The following ENOSF1 variants were observed in gnomAD, a reference collection of about 807,000 sequenced individuals.
ENOSF1 encodes mitochondrial enolase superfamily member 1.
A neutral mutation model predicts 68.2 loss-of-function variants in ENOSF1; 73 were observed. The observed-to-expected ratio is 1.07, with a 90% CI of 0.89 to 1.30. The LOEUF is 1.30. Ranked by LOEUF, ENOSF1 falls within the 50% of genes most tolerant of loss-of-function variation. The pLI, the probability that ENOSF1 is intolerant of heterozygous loss-of-function variation, is 0.00. For synonymous variants in ENOSF1, 223 were observed against 210.4 expected (o/e 1.06, Z -0.52); for missense variants, 589 against 554.5 (o/e 1.06, Z -0.62).
intron 10 of ENOSF1, among the ~76,000 whole-genome samples, chr18:685,317 A>C (rs1465303212): frequency 1.3e-5 from 2 of 152,008 alleles, no homozygotes; most frequent in Non-Finnish European, 2.9e-5. Flanking sequence ...CCCAGAATCA[A>C]TTTTTATCAT....
Position 674,338 on chromosome 18 carries a change from A to T in ENOSF1, c.1299T>A (p.Val433=), listed in dbSNP as rs757954716. 2 of 1,612,568 alleles carry T rather than the reference A, an allele frequency of 1.2e-6. No homozygotes were observed. Among genetic ancestry groups the T allele is most frequent in the South Asian group, 2.2e-5 (2 of 90,856 alleles). The change falls in exon 16 of 16, where the codon GTT becomes GTA. Residue 433 remains valine, a synonymous_variant. Transcript: ENST00000647584. ...VKKHQYPDGE[V]WKKLLPAQEN is the part of the protein sequence containing the mutation. ...CTTGAGCAGGAAGGAGTTTCTTCCA[A>T]ACTTCACCATCTGGATACTGGTGTT... is the stretch of plus-strand genomic sequence containing the variant.
chr18:690,599 A>G lies in ENOSF1; in HGVS notation c.568T>C (p.Tyr190His). The change falls in exon 8 of 16, where the codon TAC (tyrosine) becomes CAC (histidine). Residue 190 changes from tyrosine (Y) to histidine (H), a missense_variant. Tyr to His is a moderately conservative substitution (Grantham distance 83, BLOSUM62 2). Coordinates refer to ENST00000647584, the MANE Select transcript of ENOSF1 (RefSeq NM_017512.7). ...CCCAGCCAGGCGCACGATGTCGTGTAAGCAGGGTATCCTTGTGCCAGCATT... is the reference window on the plus strand; with the variant it reads ...CCCAGCCAGGCGCACGATGTCGTGTGAGCAGGGTATCCTTGTGCCAGCATT... ...KQMLAQGYPA[Y>H]TTSCAWLGYS... 1 of 1,613,748 alleles carries G rather than the reference A, an allele frequency of 6.2e-7. No homozygotes were observed. Among genetic ancestry groups the G allele is most frequent in the Non-Finnish European group, 8.5e-7 (1 of 1,180,022 alleles).
At chr18:686,035 T>G (rs1423035537) in intron 9 of ENOSF1, 27 bp from the exon 10 acceptor site, 1 of 1,568,736 alleles carries the variant, frequency 6.4e-7, no homozygotes, top group Admixed American at 1.7e-5. Flanking sequence ...GTTTGCTAGT[T>G]TAGACCTGTA....
intron 5 of ENOSF1, 85 bp from the exon 6 acceptor site, chr18:691,361 T>G (rs2077150043): frequency 3.4e-5 from 40 of 1,162,886 alleles, no homozygotes; most frequent in Non-Finnish European, 4.8e-5. Context: ...TATTCTTTTT[T>G]TAGAGACAAG....
intron 1 of ENOSF1, chr18:706,875 A>G (rs1785589): frequency 6.6e-6 from 1 of 150,758 alleles, no homozygotes; most frequent in East Asian, 1.9e-4. Flanking sequence ...CAGGAGTGCA[A>G]TGGTGCGATC....
At chr18:682,177 G>C (rs1400618279) in intron 11 of ENOSF1, among the ~76,000 whole-genome samples, 1 of 152,184 alleles carries the variant, frequency 6.6e-6, no homozygotes, top group Non-Finnish European at 1.5e-5. Context: ...TACCCTCTGA[G>C]AAATGTGCCG....
In ENOSF1 at chr18:670,604, G is replaced by A; in HGVS notation, c.*3701C>T. 1 of 1,436,302 alleles carries A rather than the reference G, an allele frequency of 7.0e-7. No homozygotes were observed. Among genetic ancestry groups the A allele is most frequent in the Non-Finnish European group, 9.6e-7 (1 of 1,044,254 alleles). 89.0% of individuals were successfully genotyped at this position (1,436,302 alleles called of 1,614,324 possible). ...CTCCTGGTCTCCACCATATGAGTTG[G>A]CTTCTGTTTCTCTCCTGTTTTACTT... On this transcript the variant is annotated 3_prime_UTR_variant, in exon 16 of 16. Transcript: ENST00000647584.
chr18:669,822 T>G (rs2074951764), downstream of ENOSF1, among the ~76,000 whole-genome samples: 1 of 150,956 alleles, frequency 6.6e-6, no homozygotes, highest in Non-Finnish European at 1.5e-5. Flanking sequence ...TAGAGCCAGG[T>G]GTGGTGGCTC....
intron 2 of ENOSF1, among the ~76,000 whole-genome samples, chr18:704,069 A>AT (rs2078660445): frequency 2.0e-5 from 3 of 152,188 alleles, no homozygotes; most frequent in African/African-American, 7.2e-5. Context: ...TAAAACCTGC[A>AT]GAACCATGAG....
chr18:670,571 G>A lies in ENOSF1; in HGVS notation c.*3734C>T. The A allele has an allele frequency of 9.6e-7, 1 of 1,043,274 alleles. No homozygotes were observed. The highest frequency in any genetic ancestry group is 1.4e-6 in the Non-Finnish European group (1 of 711,158). 64.6% of individuals were successfully genotyped at this position (1,043,274 alleles called of 1,614,324 possible). On this transcript the variant is annotated 3_prime_UTR_variant, in exon 16 of 16. Coordinates refer to ENST00000647584, the MANE Select transcript of ENOSF1 (RefSeq NM_017512.7). ...GTTATGGACATCACTGCAGCCCAGT[G>A]GCTCTCTCTCCTGGTCTCCACCATA...
chr18:695,980 C>T (rs559348973), intron 3 of ENOSF1, among the ~76,000 whole-genome samples: 25 of 152,060 alleles, frequency 1.6e-4, no homozygotes, highest in African/African-American at 5.3e-4. Flanking sequence ...GAGACTAAGC[C>T]GGGTTAGGAA....
intron 1 of ENOSF1, among the ~76,000 whole-genome samples, chr18:710,793 T>G (rs1031819202): frequency 1.1e-4 from 17 of 152,214 alleles, no homozygotes; most frequent in Non-Finnish European, 2.4e-4. Flanking sequence ...TTAGAAAGAT[T>G]GTGTGACTTA....
downstream of ENOSF1, among the ~76,000 whole-genome samples, chr18:665,355 G>A (rs1303390860): frequency 2.0e-5 from 3 of 150,920 alleles, no homozygotes; most frequent in African/African-American, 7.3e-5. Context: ...CTGTGGGATT[G>A]GTGGTGATAT....
intron 8 of ENOSF1, 117 bp downstream of exon 8, chr18:690,432 A>G: frequency 8.6e-7 from 1 of 1,166,748 alleles, no homozygotes; most frequent in Admixed American, 1.8e-5. Flanking sequence ...GAGAAGGAAA[A>G]CCACACACAT....
intron 5 of ENOSF1, 127 bp from the exon 6 acceptor site, chr18:691,403 T>C (rs886138478): frequency 4.8e-5 from 35 of 732,674 alleles, no homozygotes; most frequent in Non-Finnish European, 6.7e-5. Context: ...TGGAGTGCAG[T>C]GATGCCATCA....
chr18:694,641 A>AG (rs1163989631), intron 3 of ENOSF1, among the ~76,000 whole-genome samples: 13 of 151,774 alleles, frequency 8.6e-5, no homozygotes, highest in East Asian at 3.9e-4. Context: ...AAAAAAAAAA[A>AG]AGAGAGAGAG....
Position 712,620 on chromosome 18 carries a change from C to G in ENOSF1, c.-33G>C. The G allele has an allele frequency of 7.9e-7, 1 of 1,271,844 alleles. No individual in the cohort carries two copies. The highest frequency in any genetic ancestry group is 1.0e-6 in the Non-Finnish European group (1 of 978,222). 78.8% of individuals were successfully genotyped at this position (1,271,844 alleles called of 1,614,324 possible). On this transcript the variant is annotated 5_prime_UTR_variant, in exon 1 of 16. Transcript: ENST00000647584. ...GCGCCCCGTGGCCGCGGCCCCCGTG[C>G]GGTCAGGACTGGTCGGGATCCCGAG...
chr18:667,607 T>TGGAGATGGA (rs1555639868), downstream of ENOSF1: 1 of 43,728 alleles, frequency 2.3e-5, no homozygotes, highest in Admixed American at 1.7e-4. Flanking sequence ...ATGGTGATGG[T>TGGAGATGGA]GATGGAGATG....
chr18:679,622 G>C (rs928306376), intron 11 of ENOSF1, among the ~76,000 whole-genome samples: 2 of 151,844 alleles, frequency 1.3e-5, no homozygotes, highest in Non-Finnish European at 2.9e-5. Context: ...CAATCTGCAG[G>C]TTAGGCTGAG....
Sources: gnomAD v4.1 joint callset for allele counts (sites outside exome capture counted in the v4.1 genomes callset) on GRCh38, gnomAD v4.1.1 for gene constraint, MANE v1.5 for transcripts, NCBI Gene and HGNC (gene_info 2026-07-23, HGNC 2026-07-21) for gene names.